The following TMEM108 variants were observed in gnomAD, a reference collection of about 807,000 sequenced individuals.
The protein encoded by TMEM108 is transmembrane protein 108.
TMEM108 carries 12 observed loss-of-function variants against 35.1 expected under a neutral mutation model. The observed-to-expected ratio is 0.34, with a 90% CI of 0.22 to 0.55. TMEM108 has a LOEUF of 0.55. Ranked by LOEUF, TMEM108 falls within the 20% of genes least tolerant of loss-of-function variation. TMEM108 has a pLI of 0.89. For synonymous variants in TMEM108, 287 were observed against 308.6 expected (o/e 0.93, Z 0.73); for missense variants, 680 against 753.3 (o/e 0.90, Z 1.14).
chr3:133,319,517 A>G (rs1311179004), intron 3 of TMEM108, among the ~76,000 whole-genome samples: 1 of 152,204 alleles, frequency 6.6e-6, no homozygotes, highest in Non-Finnish European at 1.5e-5. Context: ...CTGGCTGACC[A>G]GTGGTCCTGA....
At chr3:133,142,106 A>G (rs1387981322) in intron 2 of TMEM108, among the ~76,000 whole-genome samples, 1 of 152,176 alleles carries the variant, frequency 6.6e-6, no homozygotes, top group East Asian at 1.9e-4. Flanking sequence ...ATTGTCATAT[A>G]TATTCTGGGG....
intron 2 of TMEM108, among the ~76,000 whole-genome samples, chr3:133,174,387 G>T (rs972941202): frequency 6.6e-6 from 1 of 152,184 alleles, no homozygotes; most frequent in African/African-American, 2.4e-5. Flanking sequence ...TCCTCAAGTG[G>T]GTCCCTGACC....
At position 133,046,981 on chromosome 3, in the gene TMEM108, C is replaced by T. The variant is rs188548724; in HGVS notation, c.-47+961C>T. 2.0e-3 allele frequency among the ~76,000 whole-genome samples: 307 copies of T among 152,260 alleles called. 2 individuals are homozygous for T. The highest frequency in any genetic ancestry group is 7.2e-3 in the African/African-American group (297 of 41,534). ...GCACCCAGAAAAGGCTGGTATCTTT[C>T]GGGGCCTCATGTGGCTCAGTAATGA... On this transcript the variant is annotated intron_variant, in intron 2 of 5. Transcript: ENST00000321871.
intron 2 of TMEM108, among the ~76,000 whole-genome samples, chr3:133,106,231 A>C (rs1247364166): frequency 6.8e-6 from 1 of 146,114 alleles, no homozygotes; most frequent in Non-Finnish European, 1.5e-5. Context: ...TTGAGAAATA[A>C]TGTTACGTAT....
At chr3:133,180,951 A>G (rs1945328403) in intron 2 of TMEM108, among the ~76,000 whole-genome samples, 1 of 143,264 alleles carries the variant, frequency 7.0e-6, no homozygotes, top group Non-Finnish European at 1.5e-5. Flanking sequence ...TTTCACACAT[A>G]CATCATTAAT....
chr3:133,076,326 T>C (rs1442151786), intron 2 of TMEM108, among the ~76,000 whole-genome samples: 1 of 151,938 alleles, frequency 6.6e-6, no homozygotes, highest in Non-Finnish European at 1.5e-5. Context: ...CTTCGAGGAG[T>C]CAAGGATGCC....
At chr3:133,155,216 C>A (rs1327175822) in intron 2 of TMEM108, among the ~76,000 whole-genome samples, 1 of 152,112 alleles carries the variant, frequency 6.6e-6, no homozygotes, top group Non-Finnish European at 1.5e-5. Flanking sequence ...GCATAGTATT[C>A]CATGGTGTGT....
At chr3:133,167,660 C>T (rs373595299) in intron 2 of TMEM108, among the ~76,000 whole-genome samples, 1 of 152,216 alleles carries the variant, frequency 6.6e-6, no homozygotes, top group South Asian at 2.1e-4. Flanking sequence ...CTGCCCGGGG[C>T]CAGTGCCACC....
chr3:133,093,146 C>T (rs1943970605), intron 2 of TMEM108, among the ~76,000 whole-genome samples: 1 of 152,112 alleles, frequency 6.6e-6, no homozygotes, highest in Non-Finnish European at 1.5e-5. Flanking sequence ...TGTGCCACCA[C>T]ATCTGGCTAA....
At chr3:133,352,060 T>C (rs1263094120) in intron 3 of TMEM108, among the ~76,000 whole-genome samples, 3 of 152,200 alleles carry the variant, frequency 2.0e-5, no homozygotes, top group Admixed American at 6.5e-5. Flanking sequence ...TCTTAAACTT[T>C]AAGATTACAC....
intron 2 of TMEM108, among the ~76,000 whole-genome samples, chr3:133,179,976 A>G (rs553894963): frequency 1.3e-5 from 2 of 152,198 alleles, no homozygotes; most frequent in East Asian, 1.9e-4. Flanking sequence ...AGAAAAACAT[A>G]TAACTTAAAA....
chr3:133,111,169 A>C (rs1944219895), intron 2 of TMEM108, among the ~76,000 whole-genome samples: 1 of 152,162 alleles, frequency 6.6e-6, no homozygotes, highest in Non-Finnish European at 1.5e-5. Flanking sequence ...TGTAGTGTAA[A>C]AGCCAGAGAT....
At chr3:133,162,661 TA>T (rs1199762075) in intron 2 of TMEM108, among the ~76,000 whole-genome samples, 2 of 152,224 alleles carry the variant, frequency 1.3e-5, no homozygotes, top group Non-Finnish European at 2.9e-5. Context: ...AGCAGGTCTT[TA>T]CTGTGCAAAA....
At chr3:133,306,088 C>T (rs2071031118) in intron 3 of TMEM108, among the ~76,000 whole-genome samples, 2 of 152,096 alleles carry the variant, frequency 1.3e-5, no homozygotes, top group African/African-American at 4.8e-5. Flanking sequence ...CTTTTCGAAG[C>T]ACAAAACTTT....
chr3:133,254,566 A>G (rs1946518128), intron 3 of TMEM108, among the ~76,000 whole-genome samples: 1 of 152,214 alleles, frequency 6.6e-6, no homozygotes, highest in Admixed American at 6.5e-5. Flanking sequence ...AAAAGTTACC[A>G]AATACATAAG....
chr3:133,304,117 A>G (rs1278455597), intron 3 of TMEM108, among the ~76,000 whole-genome samples: 1 of 152,236 alleles, frequency 6.6e-6, no homozygotes, highest in Non-Finnish European at 1.5e-5. Context: ...AAATAGGACA[A>G]TGTAAGAAAA....
chr3:133,292,373 T>C (rs1413492138), intron 3 of TMEM108, among the ~76,000 whole-genome samples: 1 of 152,208 alleles, frequency 6.6e-6, no homozygotes, highest in Non-Finnish European at 1.5e-5. Context: ...TGTTTTTACC[T>C]CACAAAGTGA....
In TMEM108 at chr3:133,380,753, A is replaced by G; in HGVS notation, c.1042A>G (p.Thr348Ala). 6.2e-7 allele frequency: 1 copy of G among 1,614,090 alleles called. No homozygotes were observed. The highest frequency in any genetic ancestry group is 8.5e-7 in the Non-Finnish European group (1 of 1,180,006). Reference sequence around the variant, plus strand: ...CCCTGGCACCAGCAGACCTCTGTCTACCAGCTCTGGGGTCTTCACGGCTGC... The same window carrying G: ...CCCTGGCACCAGCAGACCTCTGTCTGCCAGCTCTGGGGTCTTCACGGCTGC... ...VTPGTSRPLS[T>A]SSGVFTAATG... The change falls in exon 4 of 6, where the codon ACC (threonine) becomes GCC (alanine). Residue 348 changes from threonine to alanine, a missense_variant. By Grantham distance (58) the Thr-to-Ala change is moderately conservative. This residue lies in a region of TMEM108 where 526 missense variants were observed against 532.1 expected (regional missense o/e 0.99). Transcript: ENST00000321871. The surrounding 1 kb of genome is among the most constrained non-coding windows in gnomAD (Gnocchi z 5.3).
intron 3 of TMEM108, among the ~76,000 whole-genome samples, chr3:133,350,858 G>A (rs938399974): frequency 6.6e-6 from 1 of 152,092 alleles, no homozygotes; most frequent in East Asian, 1.9e-4. Context: ...CTGAGACCCT[G>A]GCCCTCTTCC....
Sources: gnomAD v4.1 joint callset for allele counts (sites outside exome capture counted in the v4.1 genomes callset) on GRCh38, gnomAD v4.1.1 for gene constraint, gnomAD v4.1.1 regional missense constraint, Gnocchi (gnomAD v3.1) non-coding constraint, MANE v1.5 for transcripts, NCBI Gene and HGNC (gene_info 2026-07-23, HGNC 2026-07-21) for gene names.